The following LAMA5 variants were observed in gnomAD, a reference collection of about 807,000 sequenced individuals.
LAMA5 encodes laminin subunit alpha 5, also known as laminin subunit alpha-5.
A neutral mutation model predicts 433.4 loss-of-function variants in LAMA5; 260 were observed. The observed-to-expected ratio is 0.60, with a 90% confidence interval of 0.54 to 0.66. The LOEUF (loss-of-function observed/expected upper bound fraction) is 0.66, where lower values mean the gene tolerates loss of function less well. Ranked by LOEUF, LAMA5 falls within the 30% of genes least tolerant of loss-of-function variation. LAMA5 has a pLI of 0.00. For synonymous variants in LAMA5, 2,620 were observed against 2,226.6 expected (o/e 1.18, Z -4.97); for missense variants, 5,378 against 5,258.5 (o/e 1.02, Z -0.70).
chr20:62,357,775 G>A (rs1206488150), intron 2 of LAMA5, among the ~76,000 whole-genome samples: 1 of 152,222 alleles, frequency 6.6e-6, no homozygotes, highest in Non-Finnish European at 1.5e-5. Context: ...GAGTGGGCGG[G>A]GGGACAGGAG....
chr20:62,330,290 C>T (rs1429062442), intron 31 of LAMA5, among the ~76,000 whole-genome samples, 198 bp downstream of exon 31: 4 of 152,266 alleles, frequency 2.6e-5, no homozygotes, highest in Non-Finnish European at 5.9e-5. Context: ...GAGACAGAGG[C>T]GAGACCCAGG....
Position 62,311,955 on chromosome 20 carries a change from G to A in LAMA5, c.9600C>T (p.Ala3200=). 2 of 1,612,640 alleles carry A rather than the reference G, an allele frequency of 1.2e-6. No individual in the cohort carries two copies. Among genetic ancestry groups the A allele is most frequent in the South Asian group, 1.1e-5 (1 of 91,076 alleles). Residue 3200 remains alanine (A), a synonymous_variant, in exon 70 of 80, where the codon GCC becomes GCT. Transcript: ENST00000252999. Reference sequence around the variant, plus strand: ...TGCTGTAGAAGGCGACGTAATGGGGGGCACCATCGGCGAAGCCCGCTTGAG... The same window carrying A: ...TGCTGTAGAAGGCGACGTAATGGGGAGCACCATCGGCGAAGCCCGCTTGAG... ...VKTQAGFADG[A]PHYVAFYSNA... is the part of the protein sequence containing the mutation.
chr20:62,337,463 G>A, intron 16 of LAMA5, 127 bp downstream of exon 16: 9 of 1,278,040 alleles, frequency 7.0e-6, no homozygotes, highest in Non-Finnish European at 9.8e-6. Flanking sequence ...CAGAGCGTGG[G>A]GACGCAGTCG....
At position 62,333,970 on chromosome 20, in the gene LAMA5, G is replaced by A. The variant is rs774058225; in HGVS notation, c.2809C>T (p.Arg937Trp). 33 of 1,612,780 alleles carry A rather than the reference G, an allele frequency of 2.0e-5. No individual in the cohort carries two copies. The highest frequency in any genetic ancestry group is 2.0e-4 in the South Asian group (18 of 91,070). ...CGCCCGCTCACACTCATGGCCCCCCGGTTGACGTATCGGAAGACGAGCCAG... is the reference window on the plus strand; with the variant it reads ...CGCCCGCTCACACTCATGGCCCCCCAGTTGACGTATCGGAAGACGAGCCAG... ...LFWLVFRYVN[R>W]GAMSVSGRVS... The change falls in exon 23 of 80, where the codon CGG (arginine) becomes TGG (tryptophan). Residue 937 changes from arginine (R) to tryptophan (W), a missense_variant. Physicochemically the swap from Arg to Trp is moderately radical, Grantham distance 101 (BLOSUM62 -3). Transcript: ENST00000252999.
intron 66 of LAMA5, 53 bp from the exon 67 acceptor site, chr20:62,312,833 GC>G: frequency 6.2e-7 from 1 of 1,601,508 alleles, no homozygotes. Flanking sequence ...GGCCTGCCCC[GC>G]CCCCATCGTT....
chr20:62,330,120 G>T (rs977993556), intron 31 of LAMA5, among the ~76,000 whole-genome samples: 1 of 152,256 alleles, frequency 6.6e-6, no homozygotes, highest in Non-Finnish European at 1.5e-5. Context: ...TGTCATGCGG[G>T]ACACCTCTAG....
chr20:62,367,182 GC>G lies in LAMA5; in HGVS notation c.63del (p.Leu22CysfsTer64). On this transcript the variant is annotated frameshift_variant, in exon 1 of 80. Coordinates refer to ENST00000252999, the MANE Select transcript of LAMA5 (RefSeq NM_005560.6). LOFTEE classifies it high-confidence loss of function. ...AGCAGCGCCAGCCCGACCAGCAGCA[GC>G]GGCGCGGGGCCCCGGGGGCCGCGAA... The part of the protein sequence containing the change: ...LCVRGPRGPA[P>X]LLLVGLALLG... 1 of 1,230,402 alleles carries G rather than the reference GC, an allele frequency of 8.1e-7. No individual in the cohort carries two copies. The highest frequency in any genetic ancestry group is 1.0e-6 in the Non-Finnish European group (1 of 989,084). The allele number at this position is 1,230,402 out of a possible 1,614,324, so 76.2% of individuals were successfully genotyped here. A position where few individuals can be genotyped will look rare whatever the true frequency, so the allele number is the denominator to read the frequency against.
chr20:62,316,929 C>G lies in LAMA5; in HGVS notation c.7606G>C (p.Glu2536Gln). ...TGCAGGGCCTGGCCAGCAGCATCCTCGGCAGCCTGCACGGCCTGCAGGATG... is the reference window on the plus strand; with the variant it reads ...TGCAGGGCCTGGCCAGCAGCATCCTGGGCAGCCTGCACGGCCTGCAGGATG... ...SRILQAVQAAEDAAGQALQQA... is the reference protein window; with the variant it reads ...SRILQAVQAAQDAAGQALQQA... Residue 2536 changes from glutamate to glutamine, a missense_variant, in exon 56 of 80, where the codon GAG becomes CAG. Glu to Gln is a conservative substitution (Grantham distance 29, BLOSUM62 2). Coordinates refer to ENST00000252999, the MANE Select transcript of LAMA5 (RefSeq NM_005560.6). The G allele has an allele frequency of 1.9e-6, 3 of 1,555,622 alleles. No individual in the cohort carries two copies. Among genetic ancestry groups the G allele is most frequent in the Non-Finnish European group, 1.7e-6 (2 of 1,148,296 alleles).
chr20:62,360,249 G>A (rs1259608519), intron 2 of LAMA5, among the ~76,000 whole-genome samples: 2 of 133,336 alleles, frequency 1.5e-5, no homozygotes, highest in South Asian at 2.7e-4. Context: ...GTGGAGGGAG[G>A]AATGAGCAGA....
rs754222402 is a variant in LAMA5, at chr20:62,326,669, C to A, written c.5298+8G>T. On this transcript the variant is annotated splice_region_variant and intron_variant, in intron 40 of 79. Transcript: ENST00000252999. The stretch of plus-strand genomic sequence containing the variant: ...AGGGACCTGGGTGCCCAAGCCAGCT[C>A]CCCTCACCTCCACCAGCTGCAGCTG... 1.6e-5 allele frequency: 25 copies of A among 1,610,646 alleles called. No individual in the cohort carries two copies. In the South Asian group the frequency reaches 2.7e-4, roughly 18 times the overall value.
In LAMA5 at chr20:62,323,639, C is replaced by T. The variant is rs1441313816; in HGVS notation, c.5881G>A (p.Val1961Met). ...CAPGFFGNPL[V>M]LGSSCQPCDC... ...CATGGCTGGCAGGAGCTGCCCAGCA[C>T]CAGTGGGTTCCCAAAGAATCCGGGC... The change falls in exon 45 of 80, where the codon GTG becomes ATG. Residue 1961 changes from valine to methionine, a missense_variant. Coordinates refer to ENST00000252999, the MANE Select transcript of LAMA5 (RefSeq NM_005560.6). 6 of 1,610,538 alleles carry T rather than the reference C, an allele frequency of 3.7e-6. No individual in the cohort carries two copies. Among genetic ancestry groups the T allele is most frequent in the Admixed American group, 1.7e-5 (1 of 59,758 alleles).
chr20:62,318,329 CGAGG>C (rs1987259383), intron 53 of LAMA5, 121 bp downstream of exon 53: 158 of 286,308 alleles, frequency 5.5e-4, no homozygotes, highest in Middle Eastern at 1.8e-3. Context: ...GGGGGGAGGA[CGAGG>C]GAGGGGAGGA....
In LAMA5 at chr20:62,334,168, G is replaced by C; in HGVS notation, c.2739+18C>G. 6.2e-7 allele frequency: 1 copy of C among 1,607,804 alleles called. No homozygotes were observed. Among genetic ancestry groups the C allele is most frequent in the Non-Finnish European group, 8.5e-7 (1 of 1,176,184 alleles). On this transcript the variant is annotated intron_variant, in intron 22 of 79. Transcript: ENST00000252999. ...TCCACTTCTAGGCTGAGCCTGGGAG[G>C]GGGAGCACAGCGCCCACCTGGACAG...
rs79182115 is a variant in LAMA5, at chr20:62,326,813, C to T, written c.5214+52G>A. On this transcript the variant is annotated intron_variant, in intron 39 of 79. Transcript: ENST00000252999. ...TTGGCACGGGCCTGGACCACGGTGCCACTGCGCCACGCCCACCCAACCACC... is the reference window on the plus strand; with the variant it reads ...TTGGCACGGGCCTGGACCACGGTGCTACTGCGCCACGCCCACCCAACCACC... 4,251 of 1,601,772 alleles carry T rather than the reference C, an allele frequency of 2.7e-3. 106 individuals carry two copies. The African/African-American group carries it at 0.047, about 18-fold the overall frequency.
At position 62,325,326 on chromosome 20, in the gene LAMA5, T is replaced by TC. The variant is rs1235334621; in HGVS notation, c.5518dup (p.Asp1840GlyfsTer54). The TC allele has an allele frequency of 3.2e-6, 5 of 1,582,594 alleles. No homozygotes were observed. Among genetic ancestry groups the TC allele is most frequent in the African/African-American group, 1.3e-5 (1 of 74,114 alleles). ...CTGTCCTAACCTCACCTGGCATGAG[T>TC]CCCCCCGGTAGCTGGCGGGGCACAG... On this transcript the variant is annotated frameshift_variant, in exon 41 of 80. Transcript: ENST00000252999. LOFTEE classifies it high-confidence loss of function.
At position 62,333,202 on chromosome 20, in the gene LAMA5, G is replaced by A. The variant is rs751699084; in HGVS notation, c.3170C>T (p.Ser1057Leu). The A allele has an allele frequency of 1.8e-5, 27 of 1,522,696 alleles. No homozygotes were observed. The highest frequency in any genetic ancestry group is 1.0e-4 in the South Asian group (8 of 76,550). The allele number at this position is 1,522,696 out of a possible 1,614,324, so 94.3% of individuals were successfully genotyped here. The change falls in exon 26 of 80, where the codon TCG (serine) becomes TTG (leucine). Residue 1057 changes from serine to leucine, a missense_variant. Physicochemically the swap from Ser to Leu is moderately radical, Grantham distance 145 (BLOSUM62 -2). Transcript: ENST00000252999. ...ACACAGGGCCTCCAGCCCGGCGGCC[G>A]AGGGGAAGCCATCCAGGGGGAGGTG... ...YTHLPLDGFP[S>L]AAGLEALCRQ...
intron 1 of LAMA5, among the ~76,000 whole-genome samples, chr20:62,363,288 C>T (rs1207790117): frequency 2.0e-5 from 3 of 152,264 alleles, no homozygotes; most frequent in Admixed American, 6.5e-5. Context: ...CTGCTGCTTC[C>T]GAGTCCTGGG....
rs764842075 is a variant in LAMA5, at chr20:62,318,797, G to A, written c.7042+46C>T. ...CTGACCTCCCCCTTGGAGCTCCCAGGTCCCTGCCTCTCCCCACCCCGCCTG... is the reference window on the plus strand; with the variant it reads ...CTGACCTCCCCCTTGGAGCTCCCAGATCCCTGCCTCTCCCCACCCCGCCTG... On this transcript the variant is annotated intron_variant, in intron 52 of 79. Coordinates refer to ENST00000252999, the MANE Select transcript of LAMA5 (RefSeq NM_005560.6). 17 of 1,597,496 alleles carry A rather than the reference G, an allele frequency of 1.1e-5. No individual in the cohort carries two copies. The East Asian group carries it at 3.4e-4, about 32-fold the overall frequency.
chr20:62,326,089 G>A (rs777731059), intron 40 of LAMA5, among the ~76,000 whole-genome samples: 24 of 152,044 alleles, frequency 1.6e-4, no homozygotes, highest in African/African-American at 3.6e-4. Flanking sequence ...GTGTGGTGGC[G>A]GGTGCCTATA....
Sources: gnomAD v4.1 joint callset for allele counts (sites outside exome capture counted in the v4.1 genomes callset) on GRCh38, gnomAD v4.1.1 for gene constraint, MANE v1.5 for transcripts, NCBI Gene and HGNC (gene_info 2026-07-23, HGNC 2026-07-21) for gene names.